The following BRINP2 variants were observed in gnomAD, a reference collection of about 807,000 sequenced individuals.
BRINP2 encodes BMP/retinoic acid-inducible neural-specific protein 2.
In BRINP2, 21 loss-of-function variants were observed where a neutral mutation model predicts 69.2. The observed-to-expected ratio is 0.30, with a 90% CI of 0.22 to 0.44. The LOEUF is 0.44. Among genes scored for constraint, BRINP2 ranks in the 20% least tolerant of loss-of-function variants. BRINP2 has a pLI of 1.00. For missense variants in BRINP2, 877 were observed against 986.0 expected (o/e 0.89, Z 1.48); for synonymous variants, 380 against 394.1 (o/e 0.96, Z 0.42).
intron 1 of BRINP2, among the ~76,000 whole-genome samples, chr1:177,202,205 G>A (rs1166192256): frequency 1.3e-5 from 2 of 152,078 alleles, no homozygotes; most frequent in Admixed American, 6.6e-5. Flanking sequence ...ATTTCCTTCA[G>A]TTCTGCTCTG....
In BRINP2 at chr1:177,280,502, C is replaced by A; in HGVS notation, c.1326C>A (p.Ser442Arg). The A allele has an allele frequency of 6.2e-7, 1 of 1,614,228 alleles. No individual in the cohort carries two copies. Among genetic ancestry groups the A allele is most frequent in the Non-Finnish European group, 8.5e-7 (1 of 1,180,044 alleles). The change falls in exon 8 of 8, where the codon AGC becomes AGA. Residue 442 changes from serine (S) to arginine (R), a missense_variant. By Grantham distance (110) the Ser-to-Arg change is moderately radical. Around this residue, in one of 3 missense-constraint regions of BRINP2, gnomAD observed 566 missense variants for 625.2 expected, o/e 0.91. Coordinates refer to ENST00000361539, the MANE Select transcript of BRINP2 (RefSeq NM_021165.4). Reference sequence around the variant, plus strand: ...GCACTTTCCTGGAACAGAGCCACAGCTGCACCTGCCCCTATGACCAATCTT... The same window carrying A: ...GCACTTTCCTGGAACAGAGCCACAGATGCACCTGCCCCTATGACCAATCTT... The part of the protein sequence containing the change: ...FPGTFLEQSH[S>R]CTCPYDQSSC...
At chr1:177,179,587 TCA>T (rs1269814421) in intron 1 of BRINP2, among the ~76,000 whole-genome samples, 15 of 151,786 alleles carry the variant, frequency 9.9e-5, no homozygotes, top group Non-Finnish European at 4.4e-5. Flanking sequence ...ACTCTTTCTC[TCA>T]CACACACACT....
At chr1:177,179,567 GCACACACACACTCTTTCTCT>G (rs796470125) in intron 1 of BRINP2, among the ~76,000 whole-genome samples, 5 of 150,872 alleles carry the variant, frequency 3.3e-5, no homozygotes, top group Middle Eastern at 3.5e-3. Flanking sequence ...AGGAAGCATG[GCACACACACACTCTTTCTCT>G]CACACACACA....
intron 2 of BRINP2, among the ~76,000 whole-genome samples, chr1:177,249,625 T>C (rs1032898064): frequency 1.7e-4 from 26 of 152,222 alleles, no homozygotes; most frequent in African/African-American, 6.3e-4. Context: ...GATGGCTTAA[T>C]TGAAGCAGTG....
chr1:177,264,667 GACAA>G (rs1651064354), intron 4 of BRINP2, among the ~76,000 whole-genome samples: 1 of 152,080 alleles, frequency 6.6e-6, no homozygotes, highest in African/African-American at 2.4e-5. Flanking sequence ...ACCAATAATA[GACAA>G]ACAGCCAAAT....
chr1:177,270,260 C>T (rs370868933), intron 4 of BRINP2, among the ~76,000 whole-genome samples: 13 of 152,248 alleles, frequency 8.5e-5, no homozygotes, highest in Non-Finnish European at 1.3e-4. Context: ...ACTAGTGAAA[C>T]TTGAGTGGGC....
At chr1:177,197,443 G>A (rs75033093) in intron 1 of BRINP2, among the ~76,000 whole-genome samples, 1,904 of 152,154 alleles carry the variant, frequency 0.013, 34 homozygotes, top group African/African-American at 0.044. Flanking sequence ...ATGAGATATG[G>A]GTGGGGCACA....
At chr1:177,194,135 T>C (rs1389483115) in intron 1 of BRINP2, among the ~76,000 whole-genome samples, 1 of 152,098 alleles carries the variant, frequency 6.6e-6, no homozygotes, top group African/African-American at 2.4e-5. Context: ...ATTGTTTGTA[T>C]CATGTAGAAA....
chr1:177,198,405 T>G (rs1282634901), intron 1 of BRINP2, among the ~76,000 whole-genome samples: 2 of 152,186 alleles, frequency 1.3e-5, no homozygotes, highest in African/African-American at 4.8e-5. Context: ...GCCTATTTAA[T>G]TTTTCAGCAA....
chr1:177,222,412 A>G (rs528307402), intron 1 of BRINP2, among the ~76,000 whole-genome samples: 6 of 152,288 alleles, frequency 3.9e-5, no homozygotes, highest in African/African-American at 1.4e-4. Flanking sequence ...CTCAGGTTCA[A>G]GTGATCCTCC....
intron 1 of BRINP2, among the ~76,000 whole-genome samples, chr1:177,187,233 C>T (rs898354335): frequency 2.7e-5 from 4 of 147,238 alleles, no homozygotes; most frequent in Non-Finnish European, 5.9e-5. Context: ...ATTGTGCCCC[C>T]CTAACCCTCA....
intron 1 of BRINP2, among the ~76,000 whole-genome samples, chr1:177,189,731 G>A (rs1417226666): frequency 2.0e-5 from 3 of 152,084 alleles, no homozygotes; most frequent in Non-Finnish European, 4.4e-5. Flanking sequence ...TGTCCTCATA[G>A]AGCCTGATGG....
chr1:177,237,466 C>A (rs1011820462), intron 2 of BRINP2, among the ~76,000 whole-genome samples: 1 of 152,142 alleles, frequency 6.6e-6, no homozygotes, highest in Non-Finnish European at 1.5e-5. Flanking sequence ...TCTTAGGATG[C>A]CAGTCCCAAG....
chr1:177,198,789 T>C (rs1358199359), intron 1 of BRINP2, among the ~76,000 whole-genome samples: 1 of 152,214 alleles, frequency 6.6e-6, no homozygotes, highest in African/African-American at 2.4e-5. Flanking sequence ...GTGACTCCAA[T>C]GTTACATGCT....
chr1:177,263,147 T>C (rs1365696578), intron 4 of BRINP2, among the ~76,000 whole-genome samples: 3 of 152,056 alleles, frequency 2.0e-5, no homozygotes, highest in Non-Finnish European at 4.4e-5. Context: ...AAGTGAAAAG[T>C]TGGTCAGGTA....
chr1:177,204,930 C>T (rs965881262), intron 1 of BRINP2, among the ~76,000 whole-genome samples: 3 of 152,160 alleles, frequency 2.0e-5, no homozygotes, highest in African/African-American at 7.2e-5. Context: ...TTTTTCATAC[C>T]ACTAAGTGTT....
At chr1:177,248,057 TC>T (rs1650441800) in intron 2 of BRINP2, among the ~76,000 whole-genome samples, 1 of 151,876 alleles carries the variant, frequency 6.6e-6, no homozygotes, top group East Asian at 1.9e-4. Context: ...GGAACATGCT[TC>T]CCCCGCAGAG....
At chr1:177,262,553 T>TGTAGGAGAGACAGAAGATAATC (rs1231499444) in intron 4 of BRINP2, among the ~76,000 whole-genome samples, 1 of 150,156 alleles carries the variant, frequency 6.7e-6, no homozygotes, top group Non-Finnish European at 1.5e-5. Flanking sequence ...AAAGTGATGA[T>TGTAGGAGAGACAGAAGATAATC]GTAGGAGAGA....
intron 6 of BRINP2, 24 bp downstream of exon 6, chr1:177,276,458 G>C: frequency 6.2e-7 from 1 of 1,601,420 alleles, no homozygotes; most frequent in Non-Finnish European, 8.6e-7. Context: ...ATTCCTCCCT[G>C]TCAATGAGAG....
Sources: allele counts gnomAD v4.1 joint callset (sites outside exome capture counted in the v4.1 genomes callset), GRCh38; gene constraint gnomAD v4.1.1; regional missense constraint gnomAD v4.1.1; transcripts MANE v1.5; gene names NCBI Gene and HGNC (gene_info 2026-07-23, HGNC 2026-07-21).